Variants in MARCHF1 observed in about 807,000 individuals in gnomAD.
MARCHF1 encodes the protein E3 ubiquitin-protein ligase MARCHF1.
In MARCHF1, 40 loss-of-function variants were observed where a neutral mutation model predicts 54.2. That is an observed-to-expected ratio of 0.74 (90% CI 0.57 to 0.96). The LOEUF is 0.96. Among genes scored for constraint, MARCHF1 ranks in the 40% least tolerant of loss-of-function variants. MARCHF1 has a pLI of 0.00. For synonymous variants in MARCHF1, 236 were observed against 236.3 expected, an observed-to-expected ratio of 1.00 and a Z score of 0.01; for missense variants, 586 against 656.5, an observed-to-expected ratio of 0.89 and a Z score of 1.17.
At chr4:164,020,560 C>A (rs571946208) in intron 2 of MARCHF1, among the ~76,000 whole-genome samples, 1 of 152,316 alleles carries the variant, frequency 6.6e-6, no homozygotes, top group South Asian at 2.1e-4. Flanking sequence ...CTTCCCCACA[C>A]CTTCTCCAGA....
At chr4:164,053,074 C>T (rs1754408441) in intron 2 of MARCHF1, among the ~76,000 whole-genome samples, 1 of 152,014 alleles carries the variant, frequency 6.6e-6, no homozygotes, top group Non-Finnish European at 1.5e-5. Flanking sequence ...TTTTAATAAT[C>T]AAAGAATATT....
chr4:163,744,089 A>G (rs1746287838), intron 4 of MARCHF1, among the ~76,000 whole-genome samples: 1 of 152,216 alleles, frequency 6.6e-6, no homozygotes, highest in Non-Finnish European at 1.5e-5. Flanking sequence ...TTTCTATTCC[A>G]TTAGCAGGTG....
intron 3 of MARCHF1, among the ~76,000 whole-genome samples, chr4:163,962,680 A>G (rs1202064831): frequency 6.6e-6 from 1 of 151,940 alleles, no homozygotes; most frequent in Non-Finnish European, 1.5e-5. Context: ...TAATTTTAAA[A>G]CTTTAGATAC....
chr4:163,961,574 A>T (rs1365672591), intron 3 of MARCHF1, among the ~76,000 whole-genome samples: 1 of 151,866 alleles, frequency 6.6e-6, no homozygotes, highest in Non-Finnish European at 1.5e-5. Context: ...CTTCTCCACG[A>T]GTCTCTTGTC....
At chr4:164,280,354 A>G (rs190440395) in intron 1 of MARCHF1, among the ~76,000 whole-genome samples, 48 of 152,190 alleles carry the variant, frequency 3.2e-4, no homozygotes, top group South Asian at 1.2e-3. Context: ...CAACACAATA[A>G]TAGAAAAATC....
intron 5 of MARCHF1, among the ~76,000 whole-genome samples, chr4:163,617,813 A>G (rs1741562751): frequency 1.3e-5 from 2 of 152,182 alleles, no homozygotes; most frequent in Admixed American, 6.6e-5. Context: ...TGATGATGTT[A>G]TTATGTATGT....
rs575153929 is a variant in MARCHF1 at position 164,306,547 on chromosome 4, G to A, written c.-323+77323C>T. 5.3e-5 allele frequency among the ~76,000 whole-genome samples: 8 copies of A among 152,152 alleles called. No homozygotes were observed. In the East Asian group the frequency reaches 1.4e-3, roughly 26 times the overall value. Reference sequence around the variant, plus strand: ...GTTTCAAAAAATTATTAGTAGTCACGTGAGTTCAGCCTACCTCTTAGGCCC... The same window carrying A: ...GTTTCAAAAAATTATTAGTAGTCACATGAGTTCAGCCTACCTCTTAGGCCC... On this transcript the variant is annotated intron_variant, in intron 1 of 9. Transcript: ENST00000514618.
At chr4:163,963,346 G>T (rs575539924) in intron 3 of MARCHF1, among the ~76,000 whole-genome samples, 3 of 151,548 alleles carry the variant, frequency 2.0e-5, no homozygotes, top group African/African-American at 7.3e-5. Flanking sequence ...TTTCTTTCTC[G>T]GCAGACCATA....
rs1042588876 is a variant in MARCHF1, at chr4:164,109,912, T to G, written c.-248+1676A>C. ...CATACCCCTGAACCTAAAATAAAAGTAAAAAAAAAAAAAAAAAAAAAAAAG... is the reference window on the plus strand; with the variant it reads ...CATACCCCTGAACCTAAAATAAAAGGAAAAAAAAAAAAAAAAAAAAAAAAG... On this transcript the variant is annotated intron_variant, in intron 2 of 9. Coordinates refer to ENST00000514618, the MANE Select transcript of MARCHF1 (RefSeq NM_001394959.1). Among the ~76,000 whole-genome samples the G allele has an allele frequency of 6.3e-5, 4 of 63,156 alleles. No homozygotes were observed. The East Asian group carries it at 2.1e-3, about 33-fold the overall frequency. The allele number at this position is 63,156 out of a possible 152,430, so 41.4% of individuals were successfully genotyped here.
intron 3 of MARCHF1, among the ~76,000 whole-genome samples, chr4:163,875,521 CA>C (rs11338531): frequency 0.056 from 8,593 of 152,164 alleles, 600 homozygotes; most frequent in East Asian, 0.18. Context: ...GAACAACTCA[CA>C]AATTCCACAA....
chr4:164,008,892 TA>T (rs1354136944), intron 2 of MARCHF1, among the ~76,000 whole-genome samples: 1 of 151,440 alleles, frequency 6.6e-6, no homozygotes, highest in African/African-American at 2.4e-5. Context: ...AGACTTCAAA[TA>T]AACAACCTAA....
At chr4:164,204,281 C>G (rs1731546141) in intron 1 of MARCHF1, among the ~76,000 whole-genome samples, 1 of 152,058 alleles carries the variant, frequency 6.6e-6, no homozygotes, top group South Asian at 2.1e-4. Flanking sequence ...AAAAGTAGAA[C>G]AAATATTAGA....
intron 2 of MARCHF1, among the ~76,000 whole-genome samples, chr4:164,003,283 T>A (rs916640759): frequency 5.3e-5 from 8 of 150,906 alleles, no homozygotes; most frequent in African/African-American, 1.5e-4. Context: ...AGAAAAAAAA[T>A]AAAAACAAAA....
chr4:163,801,122 TATC>T (rs994997344), intron 4 of MARCHF1, among the ~76,000 whole-genome samples: 19 of 152,104 alleles, frequency 1.2e-4, no homozygotes, highest in African/African-American at 3.9e-4. Context: ...GAATTGGTGA[TATC>T]ATCATGACGG....
chr4:164,177,258 C>T (rs1241182371), intron 1 of MARCHF1, among the ~76,000 whole-genome samples: 1 of 151,828 alleles, frequency 6.6e-6, no homozygotes, highest in African/African-American at 2.4e-5. Flanking sequence ...AATAATCTCA[C>T]ATACACTATT....
chr4:163,570,658 T>C (rs1739812724), intron 8 of MARCHF1, among the ~76,000 whole-genome samples: 1 of 152,176 alleles, frequency 6.6e-6, no homozygotes, highest in Non-Finnish European at 1.5e-5. Context: ...GGACGGAATC[T>C]AGCCTTCAGA....
chr4:163,913,303 T>C (rs1751236213), intron 3 of MARCHF1, among the ~76,000 whole-genome samples: 1 of 152,192 alleles, frequency 6.6e-6, no homozygotes, highest in Admixed American at 6.6e-5. Context: ...TATAATGTTA[T>C]TGATTAATTT....
intron 5 of MARCHF1, among the ~76,000 whole-genome samples, chr4:163,689,424 A>G (rs1744371954): frequency 6.6e-6 from 1 of 152,242 alleles, no homozygotes; most frequent in African/African-American, 2.4e-5. Context: ...TTCTGTGATG[A>G]TAGAAATATT....
intron 2 of MARCHF1, among the ~76,000 whole-genome samples, chr4:164,009,840 T>G (rs1490890289): frequency 6.6e-6 from 1 of 152,118 alleles, no homozygotes; most frequent in African/African-American, 2.4e-5. Flanking sequence ...ACCATCATAC[T>G]GAATGGAGAA....
Sources: allele counts gnomAD v4.1 joint callset (sites outside exome capture counted in the v4.1 genomes callset), GRCh38; gene constraint gnomAD v4.1.1; transcripts MANE v1.5; gene names NCBI Gene and HGNC (gene_info 2026-07-23, HGNC 2026-07-21).